SYNJ2: variants seen among roughly 807,000 people sequenced by gnomAD.
SYNJ2 encodes the protein synaptojanin 2.
SYNJ2 carries 116 observed loss-of-function variants against 141.3 expected under a neutral mutation model. The observed-to-expected ratio is 0.82, with a 90% confidence interval of 0.71 to 0.96. SYNJ2 has a LOEUF of 0.96. Among genes scored for constraint, SYNJ2 ranks in the 40% least tolerant of loss-of-function variants. The probability of loss-of-function intolerance (pLI) is 0.00; values close to 1 mark genes in which losing one functional copy is unlikely to be tolerated. For missense variants in SYNJ2, 1,873 were observed against 1,934.8 expected (o/e 0.97, Z 0.60); for synonymous variants, 745 against 777.7 (o/e 0.96, Z 0.70).
At chr6:158,036,362 A>G (rs755000093) in intron 4 of SYNJ2, among the ~76,000 whole-genome samples, 1 of 152,236 alleles carries the variant, frequency 6.6e-6, no homozygotes, top group Non-Finnish European at 1.5e-5. Flanking sequence ...CATGGAATCA[A>G]CCTGAATGTC....
intron 11 of SYNJ2, among the ~76,000 whole-genome samples, chr6:158,066,014 A>C (rs1023355080): frequency 2.0e-5 from 3 of 152,222 alleles, no homozygotes; most frequent in Non-Finnish European, 2.9e-5. Context: ...CTGGGTTGGT[A>C]AGACACTTAA....
chr6:158,080,103 C>T (rs925231523), intron 18 of SYNJ2, among the ~76,000 whole-genome samples: 6 of 152,168 alleles, frequency 3.9e-5, no homozygotes, highest in Admixed American at 2.0e-4. Flanking sequence ...TTCCTGTTTA[C>T]ATCATTGATT....
At chr6:157,984,493 A>G (rs1245544912) in intron 1 of SYNJ2, among the ~76,000 whole-genome samples, 1 of 151,780 alleles carries the variant, frequency 6.6e-6, no homozygotes, top group Non-Finnish European at 1.5e-5. Flanking sequence ...CGCCACCCCC[A>G]CCTGGGTTCA....
At chr6:158,007,126 G>A (rs114986111) in intron 1 of SYNJ2, among the ~76,000 whole-genome samples, 195 of 152,040 alleles carry the variant, frequency 1.3e-3, no homozygotes, top group African/African-American at 4.5e-3. Flanking sequence ...CACCTTGCCC[G>A]ACTAATATTT....
At chr6:158,068,216 G>A (rs955193951) in intron 12 of SYNJ2, among the ~76,000 whole-genome samples, 1 of 151,620 alleles carries the variant, frequency 6.6e-6, no homozygotes, top group African/African-American at 2.4e-5. Context: ...AACAGAGAAG[G>A]AAGTGGACAG....
At chr6:158,014,124 A>T (rs1314297444) in intron 1 of SYNJ2, among the ~76,000 whole-genome samples, 1 of 152,230 alleles carries the variant, frequency 6.6e-6, no homozygotes. Flanking sequence ...TATACATTTC[A>T]TAAGATATTC....
intron 5 of SYNJ2, among the ~76,000 whole-genome samples, chr6:158,047,931 C>T (rs1364634223): frequency 6.6e-6 from 1 of 151,878 alleles, no homozygotes; most frequent in Admixed American, 6.6e-5. Flanking sequence ...CTCTTGGTGC[C>T]GTGAGCACTG....
At chr6:158,054,285 T>TCATC (rs893519555) in intron 5 of SYNJ2, among the ~76,000 whole-genome samples, 2 of 147,962 alleles carry the variant, frequency 1.4e-5, no homozygotes, top group Admixed American at 1.3e-4. Flanking sequence ...ACCCAGCTAT[T>TCATC]CATCCATCCA....
intron 17 of SYNJ2, 171 bp from the exon 18 acceptor site, chr6:158,077,993 A>G (rs1782425310): frequency 3.4e-6 from 2 of 581,952 alleles, no homozygotes; most frequent in Non-Finnish European, 6.2e-6. Flanking sequence ...GTTTTTAACC[A>G]AAGGCCCCAA....
intron 5 of SYNJ2, among the ~76,000 whole-genome samples, chr6:158,053,905 C>T (rs1780711471): frequency 6.6e-6 from 1 of 151,626 alleles, no homozygotes; most frequent in African/African-American, 2.4e-5. Context: ...TCCACTGATC[C>T]ATCCATCCAC....
rs755638856 is a variant in SYNJ2 at position 157,982,102 on chromosome 6, G to A, written c.127+14G>A. 8 of 1,313,338 alleles carry A rather than the reference G, an allele frequency of 6.1e-6. No individual in the cohort carries two copies. Among genetic ancestry groups the A allele is most frequent in the Non-Finnish European group, 1.9e-6 (2 of 1,032,590 alleles). 81.4% of individuals were successfully genotyped at this position (1,313,338 alleles called of 1,614,324 possible). On this transcript the variant is annotated intron_variant, in intron 1 of 26. Coordinates refer to ENST00000355585, the MANE Select transcript of SYNJ2 (RefSeq NM_003898.4). This position sits in a 1 kb window ranked among gnomAD's most constrained non-coding sequence, Gnocchi z 4.0. ...TGGCCACGCTGGGTGAGTCCGGGCC[G>A]GGGGCAGCGACGCCCGGAGGAGAGG...
intron 1 of SYNJ2, among the ~76,000 whole-genome samples, chr6:158,000,461 G>A (rs1035146136): frequency 2.6e-5 from 4 of 152,164 alleles, no homozygotes; most frequent in African/African-American, 9.7e-5. Context: ...CTGGGGCTCA[G>A]TAGGCCGTCT....
At chr6:158,057,030 T>C (rs370723443) in intron 6 of SYNJ2, among the ~76,000 whole-genome samples, 122 of 152,010 alleles carry the variant, frequency 8.0e-4, no homozygotes, top group African/African-American at 2.8e-3. Context: ...CCTCAGTCTC[T>C]CCTCACAGGA....
At chr6:158,033,319 T>C in intron 3 of SYNJ2, 136 bp from the exon 4 acceptor site, 1 of 864,630 alleles carries the variant, frequency 1.2e-6, no homozygotes, top group Non-Finnish European at 1.8e-6. Flanking sequence ...CAGAGTCCAC[T>C]GGGGAGCAGC....
In SYNJ2 at chr6:158,086,920, C is replaced by T. The variant is rs915064236; in HGVS notation, c.3274C>T (p.Pro1092Ser). Residue 1092 changes from proline (P) to serine (S), a missense_variant, in exon 23 of 27, where the codon CCG (proline) becomes TCG (serine). Transcript: ENST00000355585. ...EAVGEFRHRS[P>S]SRSLSVPNRP... ...CGTCGGGGAGTTCCGCCACCGTTCTCCGAGCAGGTCTCTGTCGGTCCCCAA... is the reference window on the plus strand; with the variant it reads ...CGTCGGGGAGTTCCGCCACCGTTCTTCGAGCAGGTCTCTGTCGGTCCCCAA... 1.2e-6 allele frequency: 2 copies of T among 1,609,374 alleles called. No homozygotes were observed. The highest frequency in any genetic ancestry group is 1.7e-5 in the Admixed American group (1 of 60,036).
At chr6:158,007,212 C>T (rs1583307819) in intron 1 of SYNJ2, among the ~76,000 whole-genome samples, 1 of 152,224 alleles carries the variant, frequency 6.6e-6, no homozygotes, top group East Asian at 1.9e-4. Flanking sequence ...AAGTGATCCT[C>T]CCATCTCAGC....
Position 158,067,810 on chromosome 6 carries a change from G to A in SYNJ2, c.1718-837G>A, listed in dbSNP as rs150779042. 1.9e-4 allele frequency: 184 copies of A among 985,274 alleles called. No individual in the cohort carries two copies. In the African/African-American group the frequency reaches 3.0e-3, roughly 16 times the overall value. The allele number at this position is 985,274 out of a possible 1,614,324, so 61.0% of individuals were successfully genotyped here. ...AGCCACTGGGGCTCTCTGTGTCGGT[G>A]GTAGCCTGGGTTGCTGCTTGTGGTG... On this transcript the variant is annotated intron_variant, in intron 12 of 26. Coordinates refer to ENST00000355585, the MANE Select transcript of SYNJ2 (RefSeq NM_003898.4).
intron 1 of SYNJ2, among the ~76,000 whole-genome samples, chr6:158,011,332 A>T (rs925705576): frequency 7.0e-4 from 107 of 152,236 alleles, no homozygotes; most frequent in African/African-American, 2.4e-3. Context: ...TGGCCTCTGG[A>T]CCCAGAAGAG....
rs1340780343 is a variant in SYNJ2, at chr6:158,097,019, C to T, written c.*655C>T. On this transcript the variant is annotated 3_prime_UTR_variant, in exon 27 of 27. Coordinates refer to ENST00000355585, the MANE Select transcript of SYNJ2 (RefSeq NM_003898.4). Reference sequence around the variant, plus strand: ...GCATACACCGTTAGCTTAACCTTAGCTTAAACTAGCTGAAGGCTCCTGTGC... The same window carrying T: ...GCATACACCGTTAGCTTAACCTTAGTTTAAACTAGCTGAAGGCTCCTGTGC... The T allele has an allele frequency of 6.5e-6, 1 of 152,760 alleles. No homozygotes were observed. Among genetic ancestry groups the T allele is most frequent in the African/African-American group, 2.4e-5 (1 of 41,456 alleles). 9.5% of individuals were successfully genotyped at this position (152,760 alleles called of 1,614,324 possible).
Sources: gnomAD v4.1 joint callset for allele counts (sites outside exome capture counted in the v4.1 genomes callset) on GRCh38, gnomAD v4.1.1 for gene constraint, Gnocchi (gnomAD v3.1) non-coding constraint, MANE v1.5 for transcripts, NCBI Gene and HGNC (gene_info 2026-07-23, HGNC 2026-07-21) for gene names.